Variants in RPS6KC1 observed in about 807,000 individuals in gnomAD.
The protein encoded by RPS6KC1 is inactive ribosomal protein S6 kinase delta-1.
In RPS6KC1, 54 loss-of-function variants were observed where a neutral mutation model predicts 103.8. That is an observed-to-expected ratio of 0.52 (90% confidence interval 0.42 to 0.65). The LOEUF (loss-of-function observed/expected upper bound fraction) is 0.65, where lower values mean the gene tolerates loss of function less well. Ranked by LOEUF, RPS6KC1 falls within the 30% of genes least tolerant of loss-of-function variation. The pLI is 0.00. For synonymous variants in RPS6KC1, 439 were observed against 438.7 expected (o/e 1.00, Z -0.01); for missense variants, 1,151 against 1,253.8 (o/e 0.92, Z 1.24).
At chr1:213,621,575 C>CACG in the RPS6KC1 span, among the ~76,000 whole-genome samples, 1 of 149,220 alleles carries the variant, frequency 6.7e-6, no homozygotes, top group South Asian at 2.2e-4. Context: ...TAAAAATAGA[C>CACG]TGAAGGAACT....
At position 213,272,833 on chromosome 1, in the gene RPS6KC1, T is replaced by A. The variant is rs1466374372; in HGVS notation, c.*199T>A. The A allele has an allele frequency of 4.2e-6, 2 of 479,284 alleles. No homozygotes were observed. The highest frequency in any genetic ancestry group is 6.0e-4 in the Middle Eastern group (1 of 1,664). 29.7% of individuals were successfully genotyped at this position (479,284 alleles called of 1,614,324 possible). ...GATATTAGCTAATTGTGCCAGGGGCTGTTATATACATATATACACAACCAA... is the reference window on the plus strand; with the variant it reads ...GATATTAGCTAATTGTGCCAGGGGCAGTTATATACATATATACACAACCAA... On this transcript the variant is annotated 3_prime_UTR_variant, in exon 15 of 15. Transcript: ENST00000366960.
intron 1 of RPS6KC1, among the ~76,000 whole-genome samples, chr1:213,057,568 G>T (rs1386455525): frequency 6.6e-6 from 1 of 151,868 alleles, no homozygotes; most frequent in Non-Finnish European, 1.5e-5. Flanking sequence ...CATATAAATA[G>T]AATCATATAG....
intron 8 of RPS6KC1, among the ~76,000 whole-genome samples, chr1:213,194,609 G>A (rs977589350): frequency 3.9e-5 from 6 of 152,190 alleles, no homozygotes; most frequent in African/African-American, 1.4e-4. Flanking sequence ...TGAACAGCAG[G>A]CAAGTGAGCA....
At chr1:213,839,189 G>A in the RPS6KC1 span, among the ~76,000 whole-genome samples, 1 of 152,186 alleles carries the variant, frequency 6.6e-6, no homozygotes, top group African/African-American at 2.4e-5. Flanking sequence ...ATCAAATCCT[G>A]TGGAGAAGGT....
intron 2 of RPS6KC1, among the ~76,000 whole-genome samples, chr1:213,074,690 A>G (rs1026770101): frequency 2.0e-5 from 3 of 152,078 alleles, no homozygotes; most frequent in Non-Finnish European, 4.4e-5. Flanking sequence ...GTGAAGAAAC[A>G]CAGATTCTCA....
At chr1:213,747,196 A>C in the RPS6KC1 span, among the ~76,000 whole-genome samples, 1 of 152,246 alleles carries the variant, frequency 6.6e-6, no homozygotes, top group East Asian at 1.9e-4. Context: ...AAACTTGTGA[A>C]GTAGGAGTTT....
chr1:213,842,263 A>G, the RPS6KC1 span: 1 of 152,408 alleles, frequency 6.6e-6, no homozygotes, highest in Non-Finnish European at 1.5e-5. Context: ...ATTAGTGCAC[A>G]ATACAGTGCC....
the RPS6KC1 span, among the ~76,000 whole-genome samples, chr1:213,298,421 C>T: frequency 1.3e-5 from 2 of 151,944 alleles, no homozygotes; most frequent in East Asian, 3.9e-4. Context: ...AGTATTTGTT[C>T]TCAATGCTCG....
chr1:213,102,096 T>C (rs1003283078), intron 3 of RPS6KC1, among the ~76,000 whole-genome samples: 1 of 152,186 alleles, frequency 6.6e-6, no homozygotes, highest in African/African-American at 2.4e-5. Context: ...AACTGAGAAC[T>C]AAGAAAAACA....
At chr1:213,460,796 T>C in the RPS6KC1 span, among the ~76,000 whole-genome samples, 2 of 152,180 alleles carry the variant, frequency 1.3e-5, no homozygotes, top group African/African-American at 4.8e-5. Flanking sequence ...GTGACAGAAA[T>C]CTCTCAGTAT....
At chr1:213,856,449 CTCCA>C in the RPS6KC1 span, among the ~76,000 whole-genome samples, 3 of 137,680 alleles carry the variant, frequency 2.2e-5, no homozygotes, top group African/African-American at 8.7e-5. Flanking sequence ...TTTCTCTCTG[CTCCA>C]TCCTTCCTTC....
the RPS6KC1 span, among the ~76,000 whole-genome samples, chr1:213,660,724 T>C: frequency 1.4e-5 from 2 of 140,150 alleles, no homozygotes; most frequent in South Asian, 4.6e-4. Flanking sequence ...TTCATTCTAT[T>C]GCACACCAAT....
chr1:213,776,051 T>C, the RPS6KC1 span, among the ~76,000 whole-genome samples: 2 of 152,186 alleles, frequency 1.3e-5, no homozygotes, highest in African/African-American at 4.8e-5. Context: ...CCACTTCTAA[T>C]TGTATTTCTC....
chr1:213,321,554 G>A, the RPS6KC1 span, among the ~76,000 whole-genome samples: 1 of 151,912 alleles, frequency 6.6e-6, no homozygotes, highest in Admixed American at 6.6e-5. Context: ...GGCTGGCAGA[G>A]AGTGATCCTT....
chr1:213,151,929 T>C, intron 6 of RPS6KC1, among the ~76,000 whole-genome samples: 1 of 113,246 alleles, frequency 8.8e-6, no homozygotes, highest in South Asian at 3.2e-4. Flanking sequence ...GGCGGGGGGC[T>C]GACCCCCCCA....
At chr1:213,171,623 A>G (rs2091485668) in intron 7 of RPS6KC1, among the ~76,000 whole-genome samples, 1 of 152,142 alleles carries the variant, frequency 6.6e-6, no homozygotes, top group South Asian at 2.1e-4. Flanking sequence ...TTTCCTGAAT[A>G]TTTGTAGATT....
At chr1:213,729,185 C>T in the RPS6KC1 span, among the ~76,000 whole-genome samples, 1 of 152,006 alleles carries the variant, frequency 6.6e-6, no homozygotes, top group Non-Finnish European at 1.5e-5. Flanking sequence ...TACTATTTCC[C>T]TAGGAGCCAG....
the RPS6KC1 span, chr1:213,841,114 T>C: frequency 6.6e-6 from 1 of 152,352 alleles, no homozygotes; most frequent in East Asian, 1.9e-4. Context: ...CCATTCCATA[T>C]TAATGATCTG....
chr1:213,585,118 A>G, the RPS6KC1 span, among the ~76,000 whole-genome samples: 4 of 152,250 alleles, frequency 2.6e-5, no homozygotes, highest in Non-Finnish European at 5.9e-5. Context: ...CAATTGTAAC[A>G]TCCACTTCAT....
Sources: allele counts gnomAD v4.1 joint callset (sites outside exome capture counted in the v4.1 genomes callset), GRCh38; gene constraint gnomAD v4.1.1; transcripts MANE v1.5; gene names NCBI Gene and HGNC (gene_info 2026-07-23, HGNC 2026-07-21).